The following XPR1 variants were observed in gnomAD, a reference collection of about 807,000 sequenced individuals.
XPR1 encodes xenotropic and polytropic retrovirus receptor 1, also known as solute carrier family 53 member 1.
Under a neutral mutation model 87.5 loss-of-function variants are expected in XPR1, and 28 were observed. The ratio of observed to expected loss-of-function variants is 0.32; its 90% CI spans 0.24 to 0.44. The LOEUF is 0.44. XPR1 is among the 20% of genes least tolerant of loss of function. The probability of loss-of-function intolerance (pLI) is 1.00; values close to 1 mark genes in which losing one functional copy is unlikely to be tolerated. For missense variants in XPR1, 559 were observed against 862.3 expected, an observed-to-expected ratio of 0.65 and a Z score of 4.41; for synonymous variants, 300 against 306.1, an observed-to-expected ratio of 0.98 and a Z score of 0.21.
intron 2 of XPR1, among the ~76,000 whole-genome samples, chr1:180,787,547 G>A (rs1032575423): frequency 6.6e-6 from 1 of 152,164 alleles, no homozygotes; most frequent in African/African-American, 2.4e-5. Flanking sequence ...CCGAAGTACT[G>A]GGATTACAGG....
chr1:180,787,716 G>T, intron 2 of XPR1, 37 bp from the exon 3 acceptor site: 1 of 1,442,798 alleles, frequency 6.9e-7, no homozygotes, highest in South Asian at 1.3e-5. Flanking sequence ...ATTGGCCTTT[G>T]GACATTAAAT....
At chr1:180,637,629 C>T (rs1654827605) in intron 1 of XPR1, among the ~76,000 whole-genome samples, 1 of 152,212 alleles carries the variant, frequency 6.6e-6, no homozygotes, top group African/African-American at 2.4e-5. Flanking sequence ...TCTCAGCTCA[C>T]TACAACCTCC....
At chr1:180,684,152 A>G (rs1429877071) in intron 2 of XPR1, among the ~76,000 whole-genome samples, 1 of 152,206 alleles carries the variant, frequency 6.6e-6, no homozygotes, top group Non-Finnish European at 1.5e-5. Flanking sequence ...TATAAGGTGT[A>G]AGGAAGGGAT....
chr1:180,712,277 G>T (rs1424262818), intron 2 of XPR1, among the ~76,000 whole-genome samples: 1 of 152,138 alleles, frequency 6.6e-6, no homozygotes, highest in Non-Finnish European at 1.5e-5. Flanking sequence ...AACTGAGATG[G>T]CTACTAAGTG....
chr1:180,855,217 G>T (rs1050410877), intron 11 of XPR1, among the ~76,000 whole-genome samples: 1 of 152,102 alleles, frequency 6.6e-6, no homozygotes, highest in African/African-American at 2.4e-5. Context: ...AAAAAATTGT[G>T]TATATACAGA....
chr1:180,753,427 G>A (rs550632128), intron 2 of XPR1, among the ~76,000 whole-genome samples: 5 of 151,974 alleles, frequency 3.3e-5, no homozygotes, highest in Admixed American at 6.6e-5. Flanking sequence ...ATGGTGGTGC[G>A]CCTGTAGTCC....
chr1:180,814,568 T>G (rs1178031552), intron 7 of XPR1, among the ~76,000 whole-genome samples: 1 of 152,164 alleles, frequency 6.6e-6, no homozygotes, highest in Non-Finnish European at 1.5e-5. Context: ...TTTGCAGGGT[T>G]GTTTAGGGTT....
intron 4 of XPR1, among the ~76,000 whole-genome samples, chr1:180,804,470 T>C (rs945679385): frequency 6.6e-6 from 1 of 152,196 alleles, no homozygotes; most frequent in Non-Finnish European, 1.5e-5. Context: ...GAGAAAAGCA[T>C]CTATCTAATC....
At chr1:180,776,328 C>T (rs1343044494) in intron 2 of XPR1, among the ~76,000 whole-genome samples, 1 of 151,780 alleles carries the variant, frequency 6.6e-6, no homozygotes, top group Non-Finnish European at 1.5e-5. Context: ...TAAGATGAAA[C>T]CAAATACATA....
intron 1 of XPR1, among the ~76,000 whole-genome samples, chr1:180,634,550 G>T (rs968702961): frequency 1.3e-5 from 2 of 152,124 alleles, no homozygotes; most frequent in African/African-American, 4.8e-5. Flanking sequence ...ATTCTCTAGA[G>T]AAAAGGACCT....
chr1:180,692,467 TC>T (rs1274003096), intron 2 of XPR1, among the ~76,000 whole-genome samples: 1 of 152,182 alleles, frequency 6.6e-6, no homozygotes, highest in Non-Finnish European at 1.5e-5. Context: ...GATGAAAAGT[TC>T]TGATTGATAC....
intron 1 of XPR1, among the ~76,000 whole-genome samples, chr1:180,659,872 G>C (rs1655705268): frequency 6.6e-6 from 1 of 151,974 alleles, no homozygotes; most frequent in Non-Finnish European, 1.5e-5. Context: ...GATAATAACT[G>C]ACCTCATAGA....
At chr1:180,807,385 A>G (rs1387727632) in intron 6 of XPR1, among the ~76,000 whole-genome samples, 1 of 152,232 alleles carries the variant, frequency 6.6e-6, no homozygotes, top group Non-Finnish European at 1.5e-5. Context: ...CAAGACCAAT[A>G]TGTAAAATCA....
At chr1:180,732,355 G>A (rs139082404) in intron 2 of XPR1, among the ~76,000 whole-genome samples, 83 of 151,884 alleles carry the variant, frequency 5.5e-4, no homozygotes, top group African/African-American at 1.7e-3. Context: ...CTTAATATGC[G>A]TAACTCCTAG....
intron 2 of XPR1, among the ~76,000 whole-genome samples, chr1:180,737,639 G>A (rs12087860): frequency 0.069 from 10,555 of 152,182 alleles, 1,217 homozygotes; most frequent in African/African-American, 0.24. Context: ...ACCCGCGCCA[G>A]CTGCTGATCT....
At chr1:180,720,088 C>A in intron 2 of XPR1, among the ~76,000 whole-genome samples, 1 of 151,078 alleles carries the variant, frequency 6.6e-6, no homozygotes. Flanking sequence ...GTGGTTCTGA[C>A]AGAAAGAAGA....
intron 2 of XPR1, among the ~76,000 whole-genome samples, chr1:180,712,637 C>G (rs1367374136): frequency 6.6e-6 from 1 of 152,054 alleles, no homozygotes; most frequent in Non-Finnish European, 1.5e-5. Flanking sequence ...AAAACCCCAT[C>G]TCTACTAAAA....
chr1:180,767,046 C>T (rs1014496562), intron 2 of XPR1, among the ~76,000 whole-genome samples: 2 of 152,090 alleles, frequency 1.3e-5, no homozygotes, highest in African/African-American at 2.4e-5. Context: ...TCCTCTTTTT[C>T]CTTCTTTTCT....
chr1:180,842,435 G>A (rs1052596272), intron 11 of XPR1, among the ~76,000 whole-genome samples: 2 of 152,136 alleles, frequency 1.3e-5, no homozygotes, highest in Non-Finnish European at 2.9e-5. Context: ...GATAATATAA[G>A]TGAGCTAGCA....
Sources: gnomAD v4.1 joint callset for allele counts (sites outside exome capture counted in the v4.1 genomes callset) on GRCh38, gnomAD v4.1.1 for gene constraint, MANE v1.5 for transcripts, NCBI Gene and HGNC (gene_info 2026-07-23, HGNC 2026-07-21) for gene names.